The following BANK1 variants were observed in gnomAD, a reference collection of about 807,000 sequenced individuals.
BANK1 encodes the protein B cell scaffold protein with ankyrin repeats 1.
Under a neutral mutation model 94.5 loss-of-function variants are expected in BANK1, and 95 were observed. That is an observed-to-expected ratio of 1.00 (90% CI 0.85 to 1.19). The LOEUF (loss-of-function observed/expected upper bound fraction) is 1.19. BANK1 is among the 50% of genes most tolerant of loss of function. BANK1 has a pLI of 0.00. For missense variants in BANK1, 987 were observed against 932.2 expected (o/e 1.06, Z -0.77); for synonymous variants, 334 against 308.4 (o/e 1.08, Z -0.87).
intron 1 of BANK1, among the ~76,000 whole-genome samples, chr4:101,818,296 G>A (rs1243539415): frequency 4.6e-5 from 7 of 152,008 alleles, no homozygotes; most frequent in Non-Finnish European, 1.0e-4. Flanking sequence ...ATCAATATCC[G>A]TTTATAGTTT....
chr4:101,994,282 C>G (rs140372932), intron 7 of BANK1, among the ~76,000 whole-genome samples: 53 of 152,246 alleles, frequency 3.5e-4, no homozygotes, highest in Non-Finnish European at 5.1e-4. Context: ...AGCCCAGGAG[C>G]TATTATGATG....
At chr4:101,807,373 A>G (rs1299933622) in intron 1 of BANK1, among the ~76,000 whole-genome samples, 1 of 152,234 alleles carries the variant, frequency 6.6e-6, no homozygotes, top group African/African-American at 2.4e-5. Context: ...TGAAAAAATT[A>G]TAGCTAAGGA....
Position 102,025,496 on chromosome 4 carries a change from C to G in BANK1, c.1581C>G (p.His527Gln). The change falls in exon 9 of 17, where the codon CAC (histidine) becomes CAG (glutamine). Residue 527 changes from histidine (H) to glutamine (Q), a missense_variant. Transcript: ENST00000322953. ...VANAFQLERP[H>Q]FTLPGTMVEG... ...ATGCCTTCCAACTGGAAAGACCTCA[C>G]TTCACCTTACCAGGTAAGTTTAAGG... The G allele has an allele frequency of 1.9e-6, 3 of 1,612,670 alleles. No individual in the cohort carries two copies. The highest frequency in any genetic ancestry group is 2.5e-6 in the Non-Finnish European group (3 of 1,179,922).
intron 7 of BANK1, among the ~76,000 whole-genome samples, chr4:101,928,873 CTT>C (rs1288524697): frequency 6.6e-6 from 1 of 151,614 alleles, no homozygotes; most frequent in African/African-American, 2.4e-5. Flanking sequence ...GGGTTAGAAA[CTT>C]TATGCACACC....
At chr4:101,941,947 C>G (rs1418504823) in intron 7 of BANK1, among the ~76,000 whole-genome samples, 3 of 151,800 alleles carry the variant, frequency 2.0e-5, no homozygotes, top group African/African-American at 7.2e-5. Flanking sequence ...AACTCCTCAA[C>G]CATGAAAATA....
At chr4:101,828,417 A>C (rs1371463022) in intron 1 of BANK1, among the ~76,000 whole-genome samples, 1 of 149,426 alleles carries the variant, frequency 6.7e-6, no homozygotes, top group Admixed American at 6.7e-5. Flanking sequence ...ATATCTCCAT[A>C]TATATCTACC....
rs189537339 is a variant in BANK1, at chr4:102,010,057, G to A, written c.1207-11457G>A. Among the ~76,000 whole-genome samples, 948 of 152,232 alleles carry A rather than the reference G, an allele frequency of 6.2e-3. 4 individuals carry two copies. Among genetic ancestry groups the A allele is most frequent in the Middle Eastern group, 0.051 (15 of 294 alleles). On this transcript the variant is annotated intron_variant, in intron 7 of 16. Coordinates refer to ENST00000322953, the MANE Select transcript of BANK1 (RefSeq NM_017935.5). ...TAAGGTGGGCAGATCACGAAGTCAG[G>A]AGATCGAGACCATCCTGGCTAACAC...
At chr4:101,989,679 T>C (rs903027090) in intron 7 of BANK1, among the ~76,000 whole-genome samples, 2 of 152,090 alleles carry the variant, frequency 1.3e-5, no homozygotes, top group Non-Finnish European at 2.9e-5. Flanking sequence ...CTGACACTTT[T>C]GAAAATAGTT....
chr4:102,019,752 G>A (rs1266567398), intron 7 of BANK1, among the ~76,000 whole-genome samples: 3 of 152,094 alleles, frequency 2.0e-5, no homozygotes, highest in South Asian at 2.1e-4. Context: ...TGTAAGTGTA[G>A]GGAACCTAAG....
intron 2 of BANK1, among the ~76,000 whole-genome samples, chr4:101,844,425 G>C (rs946006040): frequency 6.6e-6 from 1 of 152,208 alleles, no homozygotes; most frequent in Non-Finnish European, 1.5e-5. Flanking sequence ...GGCAAACCAG[G>C]TGGGTCATGA....
intron 7 of BANK1, among the ~76,000 whole-genome samples, chr4:102,008,115 A>G (rs1334678149): frequency 6.6e-6 from 1 of 152,164 alleles, no homozygotes; most frequent in African/African-American, 2.4e-5. Flanking sequence ...TGGTTTTGAC[A>G]GGGAAAGATA....
chr4:102,011,102 A>T (rs1166338007), intron 7 of BANK1, among the ~76,000 whole-genome samples: 4 of 152,224 alleles, frequency 2.6e-5, no homozygotes, highest in African/African-American at 4.8e-5. Context: ...CTATGAAATC[A>T]TCCTTCCATC....
intron 7 of BANK1, among the ~76,000 whole-genome samples, chr4:101,963,039 C>A (rs1724625368): frequency 6.6e-6 from 1 of 152,050 alleles, no homozygotes. Flanking sequence ...TTTAAAATAT[C>A]ATTTTGTGTC....
chr4:101,951,852 C>A (rs1724169502), intron 7 of BANK1, among the ~76,000 whole-genome samples: 1 of 141,894 alleles, frequency 7.0e-6, no homozygotes, highest in South Asian at 2.2e-4. Flanking sequence ...TACTCAGAAC[C>A]CATTTAGATT....
At chr4:101,859,783 A>G (rs886328832) in intron 3 of BANK1, among the ~76,000 whole-genome samples, 2 of 152,188 alleles carry the variant, frequency 1.3e-5, no homozygotes, top group African/African-American at 4.8e-5. Flanking sequence ...TATATACAGA[A>G]TGTTTTTACG....
chr4:101,903,275 A>G (rs746425280), intron 6 of BANK1, among the ~76,000 whole-genome samples: 9 of 152,226 alleles, frequency 5.9e-5, no homozygotes, highest in Non-Finnish European at 1.2e-4. Flanking sequence ...GAGAATACCC[A>G]CAAAGTCAGC....
In BANK1 at chr4:101,960,052, A is replaced by G. The variant is rs115381372; in HGVS notation, c.1206+41863A>G. Among the ~76,000 whole-genome samples the G allele has an allele frequency of 4.1e-3, 618 of 152,308 alleles. 3 individuals carry two copies. Among genetic ancestry groups the G allele is most frequent in the African/African-American group, 0.014 (585 of 41,568 alleles). ...ACTCCTTCACTTTATGGAAGAAAAC[A>G]TGAAGTCCAGATGAATGATTATAGG... On this transcript the variant is annotated intron_variant, in intron 7 of 16. Transcript: ENST00000322953.
chr4:101,826,772 A>G lies in BANK1; in HGVS notation c.71-3036A>G, dbSNP rs114429225. ...GCCAGATGTTTTTTTCTCATTCTAC[A>G]TACATAAATATGTAAAAAAAAGTTG... is the stretch of plus-strand genomic sequence containing the variant. On this transcript the variant is annotated intron_variant, in intron 1 of 16. Coordinates refer to ENST00000322953, the MANE Select transcript of BANK1 (RefSeq NM_017935.5). Among the ~76,000 whole-genome samples, 633 of 152,056 alleles carry G rather than the reference A, an allele frequency of 4.2e-3. 4 individuals carry two copies. Among genetic ancestry groups the G allele is most frequent in the African/African-American group, 0.014 (601 of 41,552 alleles).
intron 5 of BANK1, among the ~76,000 whole-genome samples, chr4:101,888,666 T>A (rs1349414534): frequency 6.6e-6 from 1 of 152,230 alleles, no homozygotes; most frequent in Non-Finnish European, 1.5e-5. Context: ...GCTTATCACC[T>A]CTATAAAAGT....
Sources: gnomAD v4.1 joint callset for allele counts (sites outside exome capture counted in the v4.1 genomes callset) on GRCh38, gnomAD v4.1.1 for gene constraint, MANE v1.5 for transcripts, NCBI Gene and HGNC (gene_info 2026-07-23, HGNC 2026-07-21) for gene names.